ANKRD18B: variants seen among roughly 807,000 people sequenced by gnomAD.
ANKRD18B encodes ankyrin repeat domain-containing protein 18B.
A neutral mutation model predicts 111.8 loss-of-function variants in ANKRD18B; 75 were observed. The observed-to-expected ratio is 0.67, with a 90% confidence interval of 0.56 to 0.81. The LOEUF (loss-of-function observed/expected upper bound fraction) is 0.81. Ranked by LOEUF, ANKRD18B falls within the 40% of genes least tolerant of loss-of-function variation. ANKRD18B has a pLI of 0.00. For synonymous variants in ANKRD18B, 356 were observed against 417.3 expected (o/e 0.85, Z 1.79); for missense variants, 1,038 against 1,225.5 (o/e 0.85, Z 2.28).
chr9:33,542,564 AG>A (rs1337368548), intron 9 of ANKRD18B, among the ~76,000 whole-genome samples: 1 of 152,030 alleles, frequency 6.6e-6, no homozygotes, highest in Non-Finnish European at 1.5e-5. Flanking sequence ...CTGTAGAGTC[AG>A]GGTTTCACTA....
At chr9:33,553,414 C>G (rs1563905384) in intron 12 of ANKRD18B, among the ~76,000 whole-genome samples, 1 of 152,142 alleles carries the variant, frequency 6.6e-6, no homozygotes, top group Admixed American at 6.5e-5. Flanking sequence ...AGTTAGACAT[C>G]AGGCATAGGA....
chr9:33,547,804 A>G, intron 10 of ANKRD18B, 134 bp from the exon 11 acceptor site: 6 of 631,510 alleles, frequency 9.5e-6, no homozygotes, highest in Non-Finnish European at 1.5e-5. Flanking sequence ...TTTTGCTTCA[A>G]TTTTTTTCTC....
At position 33,558,084 on chromosome 9, in the gene ANKRD18B, T is replaced by C; in HGVS notation, c.2357T>C (p.Ile786Thr). 1 of 1,608,122 alleles carries C rather than the reference T, an allele frequency of 6.2e-7. No homozygotes were observed. The highest frequency in any genetic ancestry group is 8.5e-7 in the Non-Finnish European group (1 of 1,176,812). Residue 786 changes from isoleucine (I) to threonine (T), a missense_variant, in exon 14 of 19, where the codon ATA becomes ACA. This residue lies in a region of ANKRD18B where 524 missense variants were observed against 677.9 expected (regional missense o/e 0.77). Transcript: ENST00000684830. ...TATAAGAAATGCCTAGAAATGACAA[T>C]AAATATGTTAAATGCATTTGCAAAT... ...TGYKKCLEMT[I>T]NMLNAFANED...
chr9:33,548,361 A>C lies in ANKRD18B; in HGVS notation c.1573A>C (p.Arg525=). The change falls in exon 11 of 19, where the codon AGA becomes CGA. Residue 525 remains arginine (R), a synonymous_variant. Coordinates refer to ENST00000684830, the MANE Select transcript of ANKRD18B (RefSeq NM_001393611.1). ...TTTATGGAGAGCAGATGATGTTTCT[A>C]GACATGAAACAATGGGTTCTAATAT... The part of the protein sequence containing the change: ...LVLWRADDVS[R]HETMGSNISQ... 1.9e-6 allele frequency: 3 copies of C among 1,550,228 alleles called. No individual in the cohort carries two copies. Among genetic ancestry groups the C allele is most frequent in the Non-Finnish European group, 2.6e-6 (3 of 1,146,314 alleles).
chr9:33,568,628 G>A (rs1267158664), intron 16 of ANKRD18B, 43 bp from the exon 17 acceptor site: 4 of 1,440,744 alleles, frequency 2.8e-6, no homozygotes, highest in African/African-American at 2.9e-5. Context: ...AATCATTCAA[G>A]GTAAAATGAA....
At position 33,524,329 on chromosome 9, in the gene ANKRD18B, A is replaced by G. The variant is rs537449259; in HGVS notation, c.-161A>G. Reference sequence around the variant, plus strand: ...TGTAGTGGACCGGGCTGGATCGCGGATTCTGAGCTACATCGCGGGTTTGGG... The same window carrying G: ...TGTAGTGGACCGGGCTGGATCGCGGGTTCTGAGCTACATCGCGGGTTTGGG... On this transcript the variant is annotated 5_prime_UTR_variant, in exon 1 of 19. Coordinates refer to ENST00000684830, the MANE Select transcript of ANKRD18B (RefSeq NM_001393611.1). The G allele has an allele frequency of 5.4e-4, 627 of 1,157,380 alleles. 5 individuals are homozygous for G. The Middle Eastern group carries it at 0.011, about 20-fold the overall frequency. The allele number at this position is 1,157,380 out of a possible 1,614,324, so 71.7% of individuals were successfully genotyped here. A position where few individuals can be genotyped will look rare whatever the true frequency, so the allele number is the denominator to read the frequency against.
At chr9:33,552,999 T>C (rs1437773218) in intron 12 of ANKRD18B, among the ~76,000 whole-genome samples, 4 of 151,704 alleles carry the variant, frequency 2.6e-5, no homozygotes, top group Admixed American at 2.0e-4. Flanking sequence ...GCACAGCTAG[T>C]ATCTGGTAGA....
At chr9:33,574,783 G>A (rs1468607766), downstream of ANKRD18B, among the ~76,000 whole-genome samples, 1 of 152,180 alleles carries the variant, frequency 6.6e-6, no homozygotes, top group Non-Finnish European at 1.5e-5. Flanking sequence ...CACAATGCAT[G>A]CACACATGTC....
chr9:33,532,518 T>C (rs1335285037), intron 3 of ANKRD18B, among the ~76,000 whole-genome samples: 2 of 152,250 alleles, frequency 1.3e-5, no homozygotes, highest in Non-Finnish European at 2.9e-5. Context: ...CAAAAAATTT[T>C]CACTGGTCTC....
At chr9:33,531,750 T>C (rs1375477218) in intron 3 of ANKRD18B, among the ~76,000 whole-genome samples, 1 of 151,502 alleles carries the variant, frequency 6.6e-6, no homozygotes, top group Non-Finnish European at 1.5e-5. Flanking sequence ...ATAGTTTATA[T>C]AAATCCCTCA....
intron 16 of ANKRD18B, 66 bp from the exon 17 acceptor site, chr9:33,568,605 G>T: frequency 7.2e-7 from 1 of 1,389,404 alleles, no homozygotes; most frequent in Non-Finnish European, 9.5e-7. Context: ...TTTAAAAAAT[G>T]CAAGTCATTA....
intron 1 of ANKRD18B, among the ~76,000 whole-genome samples, chr9:33,527,599 C>T (rs1273442041): frequency 6.6e-6 from 1 of 152,162 alleles, no homozygotes; most frequent in Non-Finnish European, 1.5e-5. Context: ...GGATTACAGG[C>T]GTGAGCCACC....
At chr9:33,564,531 T>C (rs1011684839) in intron 14 of ANKRD18B, among the ~76,000 whole-genome samples, 1 of 152,246 alleles carries the variant, frequency 6.6e-6, no homozygotes, top group Non-Finnish European at 1.5e-5. Flanking sequence ...TTGTGATCTA[T>C]TGTTTTCTTT....
intron 13 of ANKRD18B, among the ~76,000 whole-genome samples, chr9:33,557,240 T>G (rs1220481853): frequency 6.6e-6 from 1 of 152,128 alleles, no homozygotes; most frequent in African/African-American, 2.4e-5. Context: ...TTCTCCTCAA[T>G]TCAGACATTA....
intron 14 of ANKRD18B, among the ~76,000 whole-genome samples, chr9:33,563,054 G>T (rs1315412021): frequency 1.3e-5 from 2 of 152,036 alleles, no homozygotes; most frequent in Admixed American, 6.6e-5. Flanking sequence ...ATAATTGAAG[G>T]GGGTTTTAGG....
At position 33,572,452 on chromosome 9, in the gene ANKRD18B, T is replaced by C; in HGVS notation, c.*18T>C. 1 of 1,497,692 alleles carries C rather than the reference T, an allele frequency of 6.7e-7. No individual in the cohort carries two copies. Among genetic ancestry groups the C allele is most frequent in the Non-Finnish European group, 9.0e-7 (1 of 1,109,790 alleles). The allele number at this position is 1,497,692 out of a possible 1,614,324, so 92.8% of individuals were successfully genotyped here. A position where few individuals can be genotyped will look rare whatever the true frequency, so the allele number is the denominator to read the frequency against. Reference sequence around the variant, plus strand: ...TGATTTAAAAGATCATAAAACTTTATTACTGGGCTATTTACATGAAATTTT... The same window carrying C: ...TGATTTAAAAGATCATAAAACTTTACTACTGGGCTATTTACATGAAATTTT... On this transcript the variant is annotated 3_prime_UTR_variant, in exon 19 of 19. Coordinates refer to ENST00000684830, the MANE Select transcript of ANKRD18B (RefSeq NM_001393611.1).
chr9:33,537,252 G>T (rs1828215303), intron 6 of ANKRD18B, among the ~76,000 whole-genome samples: 1 of 152,094 alleles, frequency 6.6e-6, no homozygotes, highest in African/African-American at 2.4e-5. Context: ...AGCTGAGATT[G>T]CACCACTGCA....
chr9:33,555,626 T>C (rs1313829612), intron 12 of ANKRD18B, 82 bp from the exon 13 acceptor site: 1 of 1,065,432 alleles, frequency 9.4e-7, no homozygotes, highest in African/African-American at 1.7e-5. Context: ...ATATTATTCA[T>C]CAACTTATGA....
In ANKRD18B at chr9:33,572,454, A is replaced by G. The variant is rs1828795392; in HGVS notation, c.*20A>G. On this transcript the variant is annotated 3_prime_UTR_variant, in exon 19 of 19. Transcript: ENST00000684830. ...ATTTAAAAGATCATAAAACTTTATT[A>G]CTGGGCTATTTACATGAAATTTTAA... 3.3e-6 allele frequency: 5 copies of G among 1,494,130 alleles called. No homozygotes were observed. Among genetic ancestry groups the G allele is most frequent in the African/African-American group, 1.4e-5 (1 of 70,958 alleles). 92.6% of individuals were successfully genotyped at this position (1,494,130 alleles called of 1,614,324 possible).
Sources: allele counts gnomAD v4.1 joint callset (sites outside exome capture counted in the v4.1 genomes callset), GRCh38; gene constraint gnomAD v4.1.1; regional missense constraint gnomAD v4.1.1; transcripts MANE v1.5; gene names NCBI Gene and HGNC (gene_info 2026-07-23, HGNC 2026-07-21).